NLRC3: variants seen among roughly 807,000 people sequenced by gnomAD.
The protein encoded by NLRC3 is NLR family CARD domain-containing protein 3.
In NLRC3, 87 loss-of-function variants were observed where a neutral mutation model predicts 91.6. That is an observed-to-expected ratio of 0.95 (90% CI 0.80 to 1.14). The LOEUF (loss-of-function observed/expected upper bound fraction) is 1.14, where lower values mean the gene tolerates loss of function less well. Among genes scored for constraint, NLRC3 ranks in the 50% most tolerant of loss-of-function variants. The pLI is 0.00. For missense variants in NLRC3, 1,577 were observed against 1,418.6 expected, an observed-to-expected ratio of 1.11 and a Z score of -1.79; for synonymous variants, 694 against 625.3, an observed-to-expected ratio of 1.11 and a Z score of -1.64.
chr16:3,543,487 A>G lies in NLRC3; in HGVS notation c.2877T>C (p.Gly959=). ...TALYLQVASI[G]ASGAQVLGEA... ...CCCCTAGCACCTGGGCGCCTGAAGC[A>G]CCAATTGAGGCCACCTGGAGACTGG... Residue 959 remains glycine (G), a synonymous_variant, in exon 17 of 20, where the codon GGT becomes GGC. Transcript: ENST00000359128. The G allele has an allele frequency of 6.2e-7, 1 of 1,613,154 alleles. No individual in the cohort carries two copies. Among genetic ancestry groups the G allele is most frequent in the Non-Finnish European group, 8.5e-7 (1 of 1,179,596 alleles).
At chr16:3,553,474 T>G (rs1191595474) in intron 9 of NLRC3, among the ~76,000 whole-genome samples, 1 of 152,140 alleles carries the variant, frequency 6.6e-6, no homozygotes, top group East Asian at 1.9e-4. Flanking sequence ...GGACCACAAA[T>G]GGCCACTCCA....
chr16:3,552,625 G>A (rs1309234923), intron 9 of NLRC3, among the ~76,000 whole-genome samples: 1 of 152,132 alleles, frequency 6.6e-6, no homozygotes, highest in East Asian at 1.9e-4. Flanking sequence ...ATCTAGACCA[G>A]CAGGCTGCCT....
In NLRC3 at chr16:3,563,617, C is replaced by G; in HGVS notation, c.1320G>C (p.Gln440His). ...CTGACGATGCCAACGTCTCCTCTCTCTGCAGGAAGCAGCTGCACGGGGCGC... is the reference window on the plus strand; with the variant it reads ...CTGACGATGCCAACGTCTCCTCTCTGTGCAGGAAGCAGCTGCACGGGGCGC... ...LQGAPCSCFL[Q>H]REETLASSVA... Residue 440 changes from glutamine to histidine, a missense_variant, in exon 5 of 20, where the codon CAG becomes CAC. Transcript: ENST00000359128. 1 of 1,613,470 alleles carries G rather than the reference C, an allele frequency of 6.2e-7. No individual in the cohort carries two copies. The highest frequency in any genetic ancestry group is 1.1e-5 in the South Asian group (1 of 91,028).
rs1292769176 is a variant in NLRC3, at chr16:3,576,965, T to G, written c.-169+184A>C. On this transcript the variant is annotated intron_variant, in intron 1 of 19. Coordinates refer to ENST00000359128, the MANE Select transcript of NLRC3 (RefSeq NM_178844.4). Reference sequence around the variant, plus strand: ...GATTACAGGCGTGAGCCACCGTGCCTGGCCACATCTCTTTTTTCTACAGCA... The same window carrying G: ...GATTACAGGCGTGAGCCACCGTGCCGGGCCACATCTCTTTTTTCTACAGCA... Among the ~76,000 whole-genome samples, 5 of 152,156 alleles carry G rather than the reference T, an allele frequency of 3.3e-5. No homozygotes were observed. In the East Asian group the frequency reaches 9.6e-4, roughly 29 times the overall value.
At chr16:3,543,563 A>G (rs1014199620) in intron 16 of NLRC3, 55 bp from the exon 17 acceptor site, 3 of 1,195,878 alleles carry the variant, frequency 2.5e-6, no homozygotes, top group East Asian at 2.4e-5. Context: ...CTCCCTCCGC[A>G]TACTCCGTTC....
At position 3,558,582 on chromosome 16, in the gene NLRC3, CCACA is replaced by C. The variant is rs3067979; in HGVS notation, c.2016-910_2016-907del. Among the ~76,000 whole-genome samples the C allele has an allele frequency of 5.3e-3, 781 of 147,680 alleles. 8 individuals carry two copies. Among genetic ancestry groups the C allele is most frequent in the African/African-American group, 0.014 (571 of 40,106 alleles). On this transcript the variant is annotated intron_variant, in intron 6 of 19. Coordinates refer to ENST00000359128, the MANE Select transcript of NLRC3 (RefSeq NM_178844.4). ...AATTAACTTTAAAATTAAAAAAAAA[CCACA>C]CACACACACACACACACACACATCT...
chr16:3,564,679 C>A lies in NLRC3; in HGVS notation c.258G>T (p.Arg86Ser), dbSNP rs778036432. 3 of 1,603,182 alleles carry A rather than the reference C, an allele frequency of 1.9e-6. No individual in the cohort carries two copies. The highest frequency in any genetic ancestry group is 2.5e-6 in the Non-Finnish European group (3 of 1,179,236). The change falls in exon 5 of 20, where the codon AGG becomes AGT. Residue 86 changes from arginine to serine, a missense_variant. By Grantham distance (110) the Arg-to-Ser change is moderately radical. Coordinates refer to ENST00000359128, the MANE Select transcript of NLRC3 (RefSeq NM_178844.4). The surrounding 1 kb of genome is among the most constrained non-coding windows in gnomAD (Gnocchi z 5.9). ...GGPELGGPWH[R>S]LASLLLVEGL... ...CCTCCACCAGCAGGAGGGAGGCCAG[C>A]CTGTGCCAGGGTCCGCCCAGCTCCG...
At chr16:3,549,827 A>G (rs779838229) in intron 11 of NLRC3, 47 bp from the exon 12 acceptor site, 1 of 1,400,338 alleles carries the variant, frequency 7.1e-7, no homozygotes, top group Non-Finnish European at 9.9e-7. Context: ...CAGGACCCAG[A>G]GGGAGCTGCC....
intron 10 of NLRC3, among the ~76,000 whole-genome samples, chr16:3,551,699 CCACT>C (rs1007972298): frequency 5.3e-5 from 8 of 149,966 alleles, no homozygotes; most frequent in African/African-American, 2.0e-4. Flanking sequence ...ACTCATTCAT[CCACT>C]CAGTCATTCA....
intron 6 of NLRC3, 49 bp downstream of exon 6, chr16:3,561,653 T>C (rs758395742): frequency 7.8e-7 from 1 of 1,286,100 alleles, no homozygotes; most frequent in Non-Finnish European, 1.1e-6. Context: ...GAGGGTTCCA[T>C]ACCCCACAAG....
rs543884324 is a variant in NLRC3 at position 3,563,446 on chromosome 16, G to A, written c.1491C>T (p.Ser497=). The A allele has an allele frequency of 1.2e-5, 19 of 1,578,552 alleles. No homozygotes were observed. Among genetic ancestry groups the A allele is most frequent in the African/African-American group, 2.7e-5 (2 of 74,218 alleles). ...PRLGFLTHFR[S]AAQRAMQAED... ...CTGCCTGCATGGCCCGCTGGGCTGC[G>A]CTCCTGAAATGCGTGAGGAAGCCCA... Residue 497 remains serine (S), a synonymous_variant, in exon 5 of 20, where the codon AGC becomes AGT. Coordinates refer to ENST00000359128, the MANE Select transcript of NLRC3 (RefSeq NM_178844.4).
At chr16:3,567,098 C>G (rs1382988733) in intron 2 of NLRC3, 145 bp downstream of exon 2, 2 of 152,322 alleles carry the variant, frequency 1.3e-5, no homozygotes, top group East Asian at 3.9e-4. Flanking sequence ...TGCAGAGATG[C>G]TGAGAGGCAA....
At position 3,564,791 on chromosome 16, in the gene NLRC3, A is replaced by T; in HGVS notation, c.179-33T>A. On this transcript the variant is annotated intron_variant, in intron 4 of 19. Transcript: ENST00000359128. The surrounding 1 kb of genome is among the most constrained non-coding windows in gnomAD (Gnocchi z 5.9). ...ACAGAGGCCAGTGGGGAGGTCTGGT[A>T]AGGGAAGAGTGGGCACAATCAGCCC... 6.4e-7 allele frequency: 1 copy of T among 1,567,218 alleles called. No homozygotes were observed. The highest frequency in any genetic ancestry group is 8.6e-7 in the Non-Finnish European group (1 of 1,159,466).
Position 3,552,196 on chromosome 16 carries a change from A to G in NLRC3, c.2351T>C (p.Met784Thr), listed in dbSNP as rs747556031. ...AGTGTGGGCCTTTCATATGTCTCAC[A>G]TGAGCTCTTTCAGACTCCTGTTCTG... Reference protein sequence around the residue: ...LKQNRSLKELMFSSNSIGDGG... With the variant: ...LKQNRSLKELTFSSNSIGDGG... The change falls in exon 10 of 20, where the codon ATG (methionine) becomes ACG (threonine). Residue 784 changes from methionine (M) to threonine (T), a missense_variant and splice_region_variant. Met to Thr is a moderately conservative substitution (Grantham distance 81). Transcript: ENST00000359128. The G allele has an allele frequency of 6.3e-7, 1 of 1,592,712 alleles. No individual in the cohort carries two copies. The highest frequency in any genetic ancestry group is 8.6e-7 in the Non-Finnish European group (1 of 1,160,438).
Position 3,544,264 on chromosome 16 carries a change from G to T in NLRC3, c.2837C>A (p.Thr946Lys). 1 of 1,610,302 alleles carries T rather than the reference G, an allele frequency of 6.2e-7. No homozygotes were observed. The highest frequency in any genetic ancestry group is 8.5e-7 in the Non-Finnish European group (1 of 1,176,588). The stretch of plus-strand genomic sequence containing the variant: ...GACTTACTAGAGAGCAGTGAGGGCT[G>T]TGTTGACCTTCAGTGCACGGGCCAC... ...CAVARALKVN[T>K]ALTALYLQVA... Residue 946 changes from threonine to lysine, a missense_variant, in exon 16 of 20, where the codon ACA (threonine) becomes AAA (lysine). By Grantham distance (78) the Thr-to-Lys change is moderately conservative. Coordinates refer to ENST00000359128, the MANE Select transcript of NLRC3 (RefSeq NM_178844.4).
At chr16:3,547,182 T>C (rs2038735078) in intron 15 of NLRC3, among the ~76,000 whole-genome samples, 1 of 152,156 alleles carries the variant, frequency 6.6e-6, no homozygotes, top group Non-Finnish European at 1.5e-5. Context: ...ATGAAACCTG[T>C]GTACCCATAC....
At position 3,543,450 on chromosome 16, in the gene NLRC3, C is replaced by A; in HGVS notation, c.2914G>T (p.Val972Leu). The stretch of plus-strand genomic sequence containing the variant: ...TCGAGAATCTCCAAGGTTCTGTTCA[C>A]AGCCAAGGCTTCCCCTAGCACCTGG... ...GAQVLGEALA[V>L]NRTLEILDLR... The change falls in exon 17 of 20, where the codon GTG becomes TTG. Residue 972 changes from valine to leucine, a missense_variant. By Grantham distance (32) the Val-to-Leu change is conservative. Coordinates refer to ENST00000359128, the MANE Select transcript of NLRC3 (RefSeq NM_178844.4). 1 of 1,612,858 alleles carries A rather than the reference C, an allele frequency of 6.2e-7. No homozygotes were observed. Among genetic ancestry groups the A allele is most frequent in the Non-Finnish European group, 8.5e-7 (1 of 1,179,258 alleles).
intron 2 of NLRC3, among the ~76,000 whole-genome samples, chr16:3,566,101 C>CAAAA (rs1027448717): frequency 1.8e-3 from 38 of 21,316 alleles, no homozygotes; most frequent in African/African-American, 2.4e-3. Context: ...GAGCAAAAAG[C>CAAAA]AAAAAAAAAA....
At chr16:3,543,991 T>C (rs574379474) in intron 16 of NLRC3, 1 of 464,302 alleles carries the variant, frequency 2.2e-6, no homozygotes, top group Admixed American at 3.6e-5. Context: ...CCGTCTCTAC[T>C]AAAAATACAA....
Sources: gnomAD v4.1 joint callset for allele counts (sites outside exome capture counted in the v4.1 genomes callset) on GRCh38, gnomAD v4.1.1 for gene constraint, Gnocchi (gnomAD v3.1) non-coding constraint, MANE v1.5 for transcripts, NCBI Gene and HGNC (gene_info 2026-07-23, HGNC 2026-07-21) for gene names.